Variants in SULF1 observed in about 807,000 individuals in gnomAD.
SULF1 encodes the protein extracellular sulfatase Sulf-1.
A neutral mutation model predicts 110.5 loss-of-function variants in SULF1; 46 were observed. The observed-to-expected ratio is 0.42, with a 90% CI of 0.33 to 0.53. The LOEUF is 0.53. Among genes scored for constraint, SULF1 ranks in the 20% least tolerant of loss-of-function variants. The pLI, the probability that SULF1 is intolerant of heterozygous loss-of-function variation, is 0.12. For synonymous variants in SULF1, 371 were observed against 387.1 expected (o/e 0.96, Z 0.49); for missense variants, 941 against 1,094.2 (o/e 0.86, Z 1.98).
chr8:69,470,373 T>C (rs1007758652), intron 1 of SULF1, among the ~76,000 whole-genome samples: 19 of 152,266 alleles, frequency 1.2e-4, no homozygotes, highest in African/African-American at 4.6e-4. Flanking sequence ...AAAGGAGATA[T>C]CTTATGGAAA....
At chr8:69,500,890 A>G (rs1810750914) in intron 2 of SULF1, among the ~76,000 whole-genome samples, 1 of 152,058 alleles carries the variant, frequency 6.6e-6, no homozygotes, top group Admixed American at 6.6e-5. Flanking sequence ...GGCCAGCTCC[A>G]AGGAGGCACT....
At chr8:69,524,802 CT>C (rs556386414) in intron 3 of SULF1, among the ~76,000 whole-genome samples, 3 of 151,962 alleles carry the variant, frequency 2.0e-5, no homozygotes, top group Admixed American at 2.0e-4. Flanking sequence ...CATGCTGCTT[CT>C]TTTTTTTATA....
At chr8:69,551,916 A>G (rs1586379003) in intron 3 of SULF1, among the ~76,000 whole-genome samples, 2 of 152,070 alleles carry the variant, frequency 1.3e-5, no homozygotes, top group Non-Finnish European at 2.9e-5. Flanking sequence ...ACATGCTGAA[A>G]CCTCGTCTCT....
chr8:69,636,265 G>A (rs926572535), intron 19 of SULF1, among the ~76,000 whole-genome samples: 5 of 152,134 alleles, frequency 3.3e-5, no homozygotes, highest in African/African-American at 7.2e-5. Context: ...GACCGGGCGC[G>A]GTGGCTCACA....
At chr8:69,549,934 G>A (rs1814572613) in intron 3 of SULF1, among the ~76,000 whole-genome samples, 1 of 151,918 alleles carries the variant, frequency 6.6e-6, no homozygotes, top group Admixed American at 6.6e-5. Flanking sequence ...ACTGAGTTCT[G>A]AGGGTTCCCC....
chr8:69,608,104 G>GT (rs1447467546), intron 13 of SULF1, among the ~76,000 whole-genome samples: 4 of 152,210 alleles, frequency 2.6e-5, no homozygotes, highest in Non-Finnish European at 5.9e-5. Context: ...CATGAGGTAA[G>GT]TCAACAGAGA....
intron 22 of SULF1, among the ~76,000 whole-genome samples, chr8:69,644,382 T>C (rs578083182): frequency 6.6e-6 from 1 of 152,366 alleles, no homozygotes; most frequent in South Asian, 2.1e-4. Flanking sequence ...GACATTTATA[T>C]GGATGAAAGA....
At chr8:69,525,714 C>T (rs1812611451) in intron 3 of SULF1, among the ~76,000 whole-genome samples, 1 of 152,178 alleles carries the variant, frequency 6.6e-6, no homozygotes, top group Non-Finnish European at 1.5e-5. Context: ...AATTTCAATG[C>T]ATGCCTTACA....
chr8:69,490,056 G>A (rs905567871), upstream of SULF1, among the ~76,000 whole-genome samples: 4 of 150,410 alleles, frequency 2.7e-5, no homozygotes, highest in South Asian at 8.4e-4. Flanking sequence ...GTTATACCAC[G>A]TTGGACAAGG....
rs151155855 is a variant in SULF1 at position 69,482,455 on chromosome 8, C to T, written c.-390-13310C>T. ...CATTTTAAAGAAATAGAAACAGAGG[C>T]ACATCTTTGGTGACACATACTGAAA... is the stretch of plus-strand genomic sequence containing the variant. On this transcript the variant is annotated intron_variant, in intron 1 of 22. Transcript: ENST00000260128. Among the ~76,000 whole-genome samples the T allele has an allele frequency of 7.4e-3, 1,121 of 152,150 alleles. 16 individuals are homozygous for T. Among genetic ancestry groups the T allele is most frequent in the African/African-American group, 0.026 (1,076 of 41,504 alleles).
intron 1 of SULF1, among the ~76,000 whole-genome samples, chr8:69,494,584 A>G (rs1258425391): frequency 2.0e-5 from 3 of 152,216 alleles, no homozygotes; most frequent in Non-Finnish European, 4.4e-5. Flanking sequence ...GTGATATTTC[A>G]ACACTAAATT....
In SULF1 at chr8:69,656,877, A is replaced by G. The variant is rs564449736; in HGVS notation, c.2586-1628A>G. 5.9e-5 allele frequency among the ~76,000 whole-genome samples: 9 copies of G among 152,320 alleles called. No individual in the cohort carries two copies. In the South Asian group the frequency reaches 1.9e-3, roughly 32 times the overall value. ...TGGGTCAAATGGTATTTCTGGTTCT[A>G]AATCTTTGAGGAATCACCACACTGT... On this transcript the variant is annotated intron_variant, in intron 22 of 22. Coordinates refer to ENST00000402687, the MANE Select transcript of SULF1 (RefSeq NM_001128205.2).
chr8:69,505,132 C>G (rs1168302383), intron 3 of SULF1, among the ~76,000 whole-genome samples: 3 of 152,186 alleles, frequency 2.0e-5, no homozygotes, highest in African/African-American at 7.2e-5. Context: ...TCCTGTCTTT[C>G]AGATTGCCAG....
intron 6 of SULF1, among the ~76,000 whole-genome samples, chr8:69,585,654 C>A (rs531582912): frequency 6.6e-6 from 1 of 152,278 alleles, no homozygotes; most frequent in South Asian, 2.1e-4. Context: ...CTTTGTGACA[C>A]ATACACTTCT....
chr8:69,584,492 G>A (rs1374045124), intron 6 of SULF1: 1 of 152,180 alleles, frequency 6.6e-6, no homozygotes, highest in Non-Finnish European at 1.5e-5. Flanking sequence ...TTCAGATGGA[G>A]GAATTCTACA....
intron 4 of SULF1, 140 bp downstream of exon 4, chr8:69,563,751 C>A: frequency 2.2e-6 from 1 of 463,692 alleles, no homozygotes; most frequent in South Asian, 4.4e-5. Context: ...GCTTAAAAAA[C>A]TACCCAGCAC....
intron 13 of SULF1, among the ~76,000 whole-genome samples, chr8:69,610,665 A>G (rs746442330): frequency 1.3e-5 from 2 of 152,184 alleles, no homozygotes; most frequent in Non-Finnish European, 2.9e-5. Context: ...TAAATCTTTG[A>G]CTTCTGTGCA....
chr8:69,636,009 G>A (rs539591102), intron 19 of SULF1, among the ~76,000 whole-genome samples: 1 of 152,232 alleles, frequency 6.6e-6, no homozygotes, highest in Non-Finnish European at 1.5e-5. Flanking sequence ...AATAACCTCT[G>A]TCTCAAGAGG....
intron 19 of SULF1, among the ~76,000 whole-genome samples, chr8:69,630,819 T>C (rs1394922678): frequency 6.6e-6 from 1 of 152,234 alleles, no homozygotes; most frequent in Non-Finnish European, 1.5e-5. Flanking sequence ...GTGATCAACA[T>C]TGTTTTTTAT....
Sources: allele counts gnomAD v4.1 joint callset (sites outside exome capture counted in the v4.1 genomes callset), GRCh38; gene constraint gnomAD v4.1.1; transcripts MANE v1.5; gene names NCBI Gene and HGNC (gene_info 2026-07-23, HGNC 2026-07-21).